HECTD2: variants seen among roughly 807,000 people sequenced by gnomAD.
HECTD2 encodes HECT domain E3 ubiquitin protein ligase 2.
A neutral mutation model predicts 103.2 loss-of-function variants in HECTD2; 35 were observed. That is an observed-to-expected ratio of 0.34 (90% CI 0.26 to 0.45). The LOEUF (loss-of-function observed/expected upper bound fraction) is 0.45. HECTD2 is among the 20% of genes least tolerant of loss of function. The probability of loss-of-function intolerance (pLI) is 1.00; values close to 1 mark genes in which losing one functional copy is unlikely to be tolerated. For synonymous variants in HECTD2, 281 were observed against 329.9 expected, an observed-to-expected ratio of 0.85 and a Z score of 1.61; for missense variants, 596 against 937.4, an observed-to-expected ratio of 0.64 and a Z score of 4.76.
At chr10:91,477,169 C>A (rs1480105503) in intron 5 of HECTD2, among the ~76,000 whole-genome samples, 1 of 129,924 alleles carries the variant, frequency 7.7e-6, no homozygotes, top group Admixed American at 8.1e-5. Flanking sequence ...GCCTGGATGA[C>A]AGAGCGAGAC....
chr10:91,431,291 T>C (rs531758672), intron 2 of HECTD2, among the ~76,000 whole-genome samples: 96 of 151,662 alleles, frequency 6.3e-4, no homozygotes, highest in Admixed American at 1.3e-3. Flanking sequence ...AACCCAACCT[T>C]TCTCTCTGGC....
chr10:91,484,408 T>C, intron 8 of HECTD2, 99 bp from the exon 9 acceptor site: 1 of 1,468,018 alleles, frequency 6.8e-7, no homozygotes, highest in East Asian at 2.3e-5. Flanking sequence ...GGGAATAGTC[T>C]AAAATTTTGT....
chr10:91,500,542 G>T lies in HECTD2; in HGVS notation c.1991G>T (p.Ser664Ile), dbSNP rs1846859574. The T allele has an allele frequency of 6.2e-7, 1 of 1,611,760 alleles. No homozygotes were observed. The change falls in exon 19 of 21, where the codon AGT (serine) becomes ATT (isoleucine). Residue 664 changes from serine to isoleucine, a missense_variant. By Grantham distance (142) the Ser-to-Ile change is moderately radical. Coordinates refer to ENST00000298068, the MANE Select transcript of HECTD2 (RefSeq NM_182765.6). The stretch of plus-strand genomic sequence containing the variant: ...GAGGTTGAAATTTTGGTCTGTGGAA[G>T]TCCTGACCTGGATATGCATGCTCTG... ...PEEVEILVCG[S>I]PDLDMHALQR...
At chr10:91,496,966 T>C (rs975291214) in intron 15 of HECTD2, among the ~76,000 whole-genome samples, 6 of 117,240 alleles carry the variant, frequency 5.1e-5, no homozygotes, top group African/African-American at 9.1e-5. Context: ...AAAATCTTTC[T>C]TTTTTTTTTT....
chr10:91,466,585 T>G (rs978872644), intron 5 of HECTD2, among the ~76,000 whole-genome samples: 2 of 152,186 alleles, frequency 1.3e-5, no homozygotes, highest in African/African-American at 4.8e-5. Context: ...ATCTCACAAA[T>G]TTTGATAGGT....
At chr10:91,479,319 T>C (rs968495430) in intron 6 of HECTD2, among the ~76,000 whole-genome samples, 1 of 152,200 alleles carries the variant, frequency 6.6e-6, no homozygotes, top group African/African-American at 2.4e-5. Context: ...TGTATGTCTT[T>C]TTAGTTTCTA....
chr10:91,426,872 T>C (rs1442088588), intron 2 of HECTD2, among the ~76,000 whole-genome samples: 1 of 151,846 alleles, frequency 6.6e-6, no homozygotes, highest in African/African-American at 2.4e-5. Flanking sequence ...TATTATACTT[T>C]AAGTTTTAGG....
chr10:91,485,557 T>C, intron 10 of HECTD2: 1 of 326,998 alleles, frequency 3.1e-6, no homozygotes, highest in Non-Finnish European at 5.5e-6. Context: ...TATCTTAATA[T>C]GCAGTCTCTT....
intron 2 of HECTD2, among the ~76,000 whole-genome samples, chr10:91,453,712 T>C (rs1216127897): frequency 6.6e-6 from 1 of 152,058 alleles, no homozygotes; most frequent in Non-Finnish European, 1.5e-5. Flanking sequence ...AAAATTACAT[T>C]AAATGTAAAT....
chr10:91,431,019 G>T (rs1843840603), intron 2 of HECTD2, among the ~76,000 whole-genome samples: 1 of 151,482 alleles, frequency 6.6e-6, no homozygotes, highest in Admixed American at 6.6e-5. Flanking sequence ...GGCTGGTACA[G>T]GTTGTGCCTT....
At chr10:91,414,066 A>T (rs1843025305) in intron 1 of HECTD2, among the ~76,000 whole-genome samples, 1 of 152,236 alleles carries the variant, frequency 6.6e-6, no homozygotes, top group South Asian at 2.1e-4. Context: ...GAAAATGCTT[A>T]GAGGTGGGGC....
chr10:91,467,903 T>A (rs1428496739), intron 5 of HECTD2, among the ~76,000 whole-genome samples: 2 of 148,676 alleles, frequency 1.3e-5, no homozygotes, highest in African/African-American at 5.0e-5. Context: ...CTGACACCAC[T>A]GTTGGTGCAA....
intron 5 of HECTD2, among the ~76,000 whole-genome samples, chr10:91,465,824 T>C (rs1478404860): frequency 3.3e-5 from 5 of 152,192 alleles, no homozygotes; most frequent in Admixed American, 2.6e-4. Context: ...GTATTTTTGG[T>C]TCAATCTGCT....
At chr10:91,423,424 A>G (rs1475302019) in intron 1 of HECTD2, among the ~76,000 whole-genome samples, 1 of 152,190 alleles carries the variant, frequency 6.6e-6, no homozygotes, top group Non-Finnish European at 1.5e-5. Flanking sequence ...CAGAAATATT[A>G]ACCCAGACAT....
chr10:91,508,594 G>C (rs1042840326), intron 20 of HECTD2, among the ~76,000 whole-genome samples: 2 of 149,948 alleles, frequency 1.3e-5, no homozygotes, highest in Admixed American at 6.6e-5. Flanking sequence ...ACACCAGTTA[G>C]AATGGCGATC....
At position 91,475,888 on chromosome 10, in the gene HECTD2, C is replaced by G. The variant is rs1344636260; in HGVS notation, c.601-2313C>G. On this transcript the variant is annotated intron_variant, in intron 5 of 20. Coordinates refer to ENST00000298068, the MANE Select transcript of HECTD2 (RefSeq NM_182765.6). ...ACTTTCACTCTAGGGACACAGCCGA[C>G]CCATGACAACCATCCCATGGTGACC... 5.9e-5 allele frequency among the ~76,000 whole-genome samples: 9 copies of G among 152,164 alleles called. 1 individual carries two copies. Among genetic ancestry groups the G allele is most frequent in the Admixed American group, 5.9e-4 (9 of 15,288 alleles).
At chr10:91,434,712 G>T (rs1844042433) in intron 2 of HECTD2, among the ~76,000 whole-genome samples, 1 of 151,822 alleles carries the variant, frequency 6.6e-6, no homozygotes, top group African/African-American at 2.4e-5. Context: ...TTTATACATA[G>T]TATAAGGTTT....
chr10:91,506,636 C>T (rs1351659532), intron 20 of HECTD2, among the ~76,000 whole-genome samples: 1 of 151,548 alleles, frequency 6.6e-6, no homozygotes, highest in Non-Finnish European at 1.5e-5. Context: ...TAATCAATAG[C>T]TTACCAACCA....
chr10:91,505,276 T>A (rs1385587384), intron 20 of HECTD2, among the ~76,000 whole-genome samples: 1 of 151,638 alleles, frequency 6.6e-6, no homozygotes, highest in African/African-American at 2.4e-5. Flanking sequence ...ATAACACTAT[T>A]AACTTTAAAT....
Sources: allele counts gnomAD v4.1 joint callset (sites outside exome capture counted in the v4.1 genomes callset), GRCh38; gene constraint gnomAD v4.1.1; transcripts MANE v1.5; gene names NCBI Gene and HGNC (gene_info 2026-07-23, HGNC 2026-07-21).